The following DSCAML1 variants were observed in gnomAD, a reference collection of about 807,000 sequenced individuals.
DSCAML1 encodes cell adhesion molecule DSCAML1.
A neutral mutation model predicts 200.5 loss-of-function variants in DSCAML1; 38 were observed. The ratio of observed to expected loss-of-function variants is 0.19; its 90% CI spans 0.15 to 0.25. The LOEUF (loss-of-function observed/expected upper bound fraction) is 0.25, where lower values mean the gene tolerates loss of function less well. DSCAML1 is among the 10% of genes least tolerant of loss of function. The probability of loss-of-function intolerance (pLI) is 1.00; values close to 1 mark genes in which losing one functional copy is unlikely to be tolerated. For missense variants in DSCAML1, 2,223 were observed against 2,858.8 expected (o/e 0.78, Z 5.07); for synonymous variants, 1,215 against 1,165.0 (o/e 1.04, Z -0.87).
chr11:117,477,198 GACACACACACAC>G (rs60376380), intron 14 of DSCAML1, among the ~76,000 whole-genome samples: 3 of 144,578 alleles, frequency 2.1e-5, no homozygotes, highest in South Asian at 2.3e-4. Flanking sequence ...GCTGTCCTTA[GACACACACACAC>G]ACACACACAC....
intron 3 of DSCAML1, among the ~76,000 whole-genome samples, chr11:117,566,389 C>T (rs1248848173): frequency 6.8e-6 from 1 of 146,308 alleles, no homozygotes; most frequent in Non-Finnish European, 1.5e-5. Flanking sequence ...GCTCTGTTAC[C>T]CAGGCTGGAG....
Position 117,532,496 on chromosome 11 carries a change from C to T in DSCAML1, c.538G>A (p.Gly180Ser), listed in dbSNP as rs770439142. Residue 180 changes from glycine to serine, a missense_variant, in exon 4 of 33, where the codon GGC becomes AGC. Gly to Ser is a moderately conservative substitution (Grantham distance 56, BLOSUM62 0). This residue lies in a region of DSCAML1 where 579 missense variants were observed against 721.5 expected (regional missense o/e 0.80). Transcript: ENST00000651296. ...TGTACGTCAGAGATGTACAGCCCGC[C>T]GTGGTAGGTAATAAAAAACCTGTGT... ...PEHRFFITYH[G>S]GLYISDVQKE... 23 of 1,613,598 alleles carry T rather than the reference C, an allele frequency of 1.4e-5. No homozygotes were observed. The highest frequency in any genetic ancestry group is 8.0e-5 in the African/African-American group (6 of 74,884).
chr11:117,601,086 C>T (rs2051456671), intron 3 of DSCAML1, among the ~76,000 whole-genome samples: 1 of 152,202 alleles, frequency 6.6e-6, no homozygotes, highest in South Asian at 2.1e-4. Context: ...ACAGAGCAGC[C>T]TCTATGGCAG....
intron 3 of DSCAML1, among the ~76,000 whole-genome samples, chr11:117,538,775 A>AG (rs1224141426): frequency 5.4e-5 from 1 of 18,686 alleles, no homozygotes; most frequent in Non-Finnish European, 1.1e-4. Context: ...GGGAGGGGTG[A>AG]GGGGGAGTGT....
intron 1 of DSCAML1, among the ~76,000 whole-genome samples, chr11:117,804,545 T>G (rs1353615163): frequency 6.6e-6 from 1 of 152,244 alleles, no homozygotes; most frequent in African/African-American, 2.4e-5. Context: ...CCCCACACCT[T>G]CCTTTTGCCA....
chr11:117,461,029 C>CG (rs2048470618), intron 18 of DSCAML1, among the ~76,000 whole-genome samples: 2 of 151,656 alleles, frequency 1.3e-5, no homozygotes, highest in African/African-American at 4.9e-5. Context: ...TATTCCCCAC[C>CG]GGTCCCTGGC....
chr11:117,722,779 C>A (rs1004652585), intron 3 of DSCAML1, among the ~76,000 whole-genome samples: 2 of 152,170 alleles, frequency 1.3e-5, no homozygotes, highest in African/African-American at 4.8e-5. Flanking sequence ...GTGTAGACAA[C>A]CAAACTCCTC....
chr11:117,647,254 C>T (rs151230857), intron 3 of DSCAML1, among the ~76,000 whole-genome samples: 57 of 152,320 alleles, frequency 3.7e-4, no homozygotes, highest in South Asian at 2.1e-3. Context: ...CTTGCCCTTA[C>T]GCTGCTCCCC....
At chr11:117,672,102 G>GGAAAAAAAAAGAA (rs1555196987) in intron 3 of DSCAML1, among the ~76,000 whole-genome samples, 86 of 94,484 alleles carry the variant, frequency 9.1e-4, no homozygotes, top group South Asian at 1.8e-3. Flanking sequence ...CTCCAGCTCA[G>GGAAAAAAAAAGAA]AAAAAAAAAA....
In DSCAML1 at chr11:117,437,360, C is replaced by G. The variant is rs370668650; in HGVS notation, c.4482G>C (p.Thr1494=). ...AGCCCTGCAGGTTAAGCCGAGCATG[C>G]GTGGAGTTGATGTGGGTGAAGAGGT... is the stretch of plus-strand genomic sequence containing the variant. The part of the protein sequence containing the change: ...DQHLFTHINS[T]HARLNLQGWN... Residue 1494 remains threonine, a synonymous_variant, in exon 26 of 33, where the codon ACG becomes ACC. Transcript: ENST00000651296. This position sits in a 1 kb window ranked among gnomAD's most constrained non-coding sequence, Gnocchi z 5.3. The G allele has an allele frequency of 1.2e-6, 2 of 1,614,040 alleles. No individual in the cohort carries two copies. Among genetic ancestry groups the G allele is most frequent in the Non-Finnish European group, 8.5e-7 (1 of 1,180,038 alleles).
chr11:117,597,719 G>C (rs993254084), intron 3 of DSCAML1, among the ~76,000 whole-genome samples: 1 of 152,078 alleles, frequency 6.6e-6, no homozygotes, highest in South Asian at 2.1e-4. Flanking sequence ...GCCTCCCAAA[G>C]TGCTGGTATT....
In DSCAML1 at chr11:117,667,739, C is replaced by T. The variant is rs181790757; in HGVS notation, c.511+109052G>A. Among the ~76,000 whole-genome samples, 3 of 152,338 alleles carry T rather than the reference C, an allele frequency of 2.0e-5. No individual in the cohort carries two copies. The East Asian group carries it at 5.8e-4, about 29-fold the overall frequency. On this transcript the variant is annotated intron_variant, in intron 3 of 32. Coordinates refer to ENST00000651296, the MANE Select transcript of DSCAML1 (RefSeq NM_020693.4). Reference sequence around the variant, plus strand: ...CTTCAGAGTTGATCGTTGATTATAGCACCCAGAAAAAGGTGGTTGGAGGCT... The same window carrying T: ...CTTCAGAGTTGATCGTTGATTATAGTACCCAGAAAAAGGTGGTTGGAGGCT...
At chr11:117,617,954 C>T (rs970925301) in intron 3 of DSCAML1, among the ~76,000 whole-genome samples, 1 of 152,168 alleles carries the variant, frequency 6.6e-6, no homozygotes, top group African/African-American at 2.4e-5. Flanking sequence ...CAGGACAACA[C>T]CACCTGAGCA....
intron 20 of DSCAML1, among the ~76,000 whole-genome samples, chr11:117,447,015 G>T (rs894896775): frequency 6.6e-6 from 1 of 152,144 alleles, no homozygotes; most frequent in Non-Finnish European, 1.5e-5. Context: ...GGTCAGGTGC[G>T]GTGGTGGCTC....
rs1044260914 is a variant in DSCAML1, at chr11:117,480,066, C to T, written c.2785+377G>A. Reference sequence around the variant, plus strand: ...CTCCAATCATCCTCCTCATCCCAGACCAGGAGCACCCATATGACCTGGCCA... The same window carrying T: ...CTCCAATCATCCTCCTCATCCCAGATCAGGAGCACCCATATGACCTGGCCA... On this transcript the variant is annotated intron_variant, in intron 14 of 32. Transcript: ENST00000651296. This position sits in a 1 kb window ranked among gnomAD's most constrained non-coding sequence, Gnocchi z 4.1. 3.3e-5 allele frequency among the ~76,000 whole-genome samples: 5 copies of T among 152,220 alleles called. No homozygotes were observed. Among genetic ancestry groups the T allele is most frequent in the Admixed American group, 2.6e-4 (4 of 15,286 alleles).
chr11:117,598,654 G>T (rs1415600430), intron 3 of DSCAML1, among the ~76,000 whole-genome samples: 3 of 152,122 alleles, frequency 2.0e-5, no homozygotes, highest in African/African-American at 7.2e-5. Flanking sequence ...ACATGTCTTT[G>T]CTCTTGTCTG....
At chr11:117,472,180 A>G in intron 14 of DSCAML1, 144 bp from the exon 15 acceptor site, 1 of 851,048 alleles carries the variant, frequency 1.2e-6, no homozygotes, top group Non-Finnish European at 1.8e-6. Flanking sequence ...ACAGGCCTGA[A>G]CAACTTCACA....
In DSCAML1 at chr11:117,428,126, C is replaced by G. The variant is rs1264791803; in HGVS notation, c.*202G>C. 5.9e-6 allele frequency: 3 copies of G among 507,916 alleles called. No individual in the cohort carries two copies. Among genetic ancestry groups the G allele is most frequent in the Non-Finnish European group, 1.0e-5 (3 of 288,720 alleles). The allele number at this position is 507,916 out of a possible 1,614,324, so 31.5% of individuals were successfully genotyped here. On this transcript the variant is annotated 3_prime_UTR_variant, in exon 33 of 33. Transcript: ENST00000651296. ...ACTTGTACTGTCAAATTCTTTGTGC[C>G]CTGGCTTCATGGAGAAGAAGAAAAT... is the stretch of plus-strand genomic sequence containing the variant.
chr11:117,629,092 G>T (rs1196763286), intron 3 of DSCAML1, among the ~76,000 whole-genome samples: 1 of 152,066 alleles, frequency 6.6e-6, no homozygotes, highest in African/African-American at 2.4e-5. Flanking sequence ...TCCTAAACTC[G>T]GGTGGAAGTT....
Sources: gnomAD v4.1 joint callset for allele counts (sites outside exome capture counted in the v4.1 genomes callset) on GRCh38, gnomAD v4.1.1 for gene constraint, gnomAD v4.1.1 regional missense constraint, Gnocchi (gnomAD v3.1) non-coding constraint, MANE v1.5 for transcripts, NCBI Gene and HGNC (gene_info 2026-07-23, HGNC 2026-07-21) for gene names.